Variants in BCL2L13 observed in about 807,000 individuals in gnomAD.
The protein encoded by BCL2L13 is bcl-2-like protein 13.
In BCL2L13, 13 loss-of-function variants were observed where a neutral mutation model predicts 25.8. The ratio of observed to expected loss-of-function variants is 0.50; its 90% CI spans 0.33 to 0.80. The LOEUF (loss-of-function observed/expected upper bound fraction) is 0.80. Ranked by LOEUF, BCL2L13 falls within the 30% of genes least tolerant of loss-of-function variation. BCL2L13 has a pLI of 0.02. For missense variants in BCL2L13, 504 were observed against 574.9 expected (o/e 0.88, Z 1.26); for synonymous variants, 244 against 230.3 (o/e 1.06, Z -0.54).
upstream of BCL2L13, among the ~76,000 whole-genome samples, chr22:17,634,218 C>T (rs1269806870): frequency 6.6e-6 from 1 of 152,084 alleles, no homozygotes; most frequent in Non-Finnish European, 1.5e-5. Flanking sequence ...CGGAGTCTCA[C>T]TCTGTTGCCC....
At chr22:17,715,143 TATATATATATATATATATATATATATA>T (rs371907930) in intron 6 of BCL2L13, among the ~76,000 whole-genome samples, 3,455 of 10,260 alleles carry the variant, frequency 0.34, 208 homozygotes, top group East Asian at 0.38. Context: ...TATATATATA[TATATATATATATATATATATATATATA>T]TTTTTTTTTT....
chr22:17,641,125 C>T (rs1336138351), intron 1 of BCL2L13, among the ~76,000 whole-genome samples: 3 of 151,956 alleles, frequency 2.0e-5, no homozygotes, highest in Non-Finnish European at 4.4e-5. Context: ...CTCCTGACCT[C>T]GCGATCTGCC....
intron 2 of BCL2L13, among the ~76,000 whole-genome samples, chr22:17,681,836 G>A (rs9605382): frequency 0.086 from 13,112 of 152,218 alleles, 685 homozygotes; most frequent in Non-Finnish European, 0.11. Context: ...TCTGAGCTCT[G>A]CTGTTGGTGC....
intron 1 of BCL2L13, among the ~76,000 whole-genome samples, chr22:17,646,955 A>ATTTTTTTTTT (rs149460093): frequency 8.1e-4 from 18 of 22,188 alleles, no homozygotes; most frequent in Non-Finnish European, 1.1e-3. Flanking sequence ...ATATATATAT[A>ATTTTTTTTTT]TTTTTTTTTT....
intron 1 of BCL2L13, among the ~76,000 whole-genome samples, chr22:17,652,243 G>A (rs570798972): frequency 1.1e-3 from 162 of 151,946 alleles, no homozygotes; most frequent in Middle Eastern, 3.4e-3. Flanking sequence ...TCGCCATGTT[G>A]CCCAGGCTTG....
chr22:17,714,948 C>G (rs2060870934), intron 6 of BCL2L13, among the ~76,000 whole-genome samples: 1 of 151,278 alleles, frequency 6.6e-6, no homozygotes, highest in Non-Finnish European at 1.5e-5. Context: ...TGAGACCAGC[C>G]TGGGCAACAT....
At chr22:17,647,866 C>T (rs7287664) in intron 1 of BCL2L13, among the ~76,000 whole-genome samples, 166 of 152,276 alleles carry the variant, frequency 1.1e-3, no homozygotes, top group African/African-American at 3.7e-3. Context: ...CAGTGGCTCA[C>T]GCCTGTAATC....
intron 2 of BCL2L13, among the ~76,000 whole-genome samples, chr22:17,659,056 TAAAAAAAAAAA>T: frequency 3.6e-5 from 1 of 28,114 alleles, no homozygotes; most frequent in African/African-American, 1.1e-4. Context: ...AGACTCCATC[TAAAAAAAAAAA>T]AAAAAAAAAA....
At chr22:17,706,754 C>G in intron 6 of BCL2L13, 1 of 1,352,040 alleles carries the variant, frequency 7.4e-7, no homozygotes, top group Non-Finnish European at 9.8e-7. Flanking sequence ...ATTCTCTTTT[C>G]ATTTCCTGGG....
At chr22:17,660,965 G>A (rs2059046593) in intron 2 of BCL2L13, among the ~76,000 whole-genome samples, 1 of 142,516 alleles carries the variant, frequency 7.0e-6, no homozygotes, top group African/African-American at 2.5e-5. Context: ...TTTTAGTAGA[G>A]ACGGGGCTTC....
In BCL2L13 at chr22:17,702,249, G is replaced by A. The variant is rs1054633993; in HGVS notation, c.463G>A (p.Val155Met). Residue 155 changes from valine (V) to methionine (M), a missense_variant, in exon 6 of 7, where the codon GTG becomes ATG. Coordinates refer to ENST00000317582, the MANE Select transcript of BCL2L13 (RefSeq NM_015367.4). ...VHASGWNKIL[V>M]PLVLLRQMLL... ...TCTCATCTTTGCATTGAAGATTTTG[G>A]TGCCTCTGGTTTTGCTACGACAAAT... 8.1e-6 allele frequency: 13 copies of A among 1,598,994 alleles called. No homozygotes were observed. Among genetic ancestry groups the A allele is most frequent in the Non-Finnish European group, 1.1e-5 (13 of 1,174,236 alleles).
At chr22:17,677,602 G>A (rs139972821) in intron 2 of BCL2L13, among the ~76,000 whole-genome samples, 18 of 152,224 alleles carry the variant, frequency 1.2e-4, no homozygotes, top group African/African-American at 2.9e-4. Context: ...AGCTGGGCGC[G>A]GTGGCTCACA....
At chr22:17,668,568 C>T (rs967272528) in intron 2 of BCL2L13, among the ~76,000 whole-genome samples, 9 of 152,004 alleles carry the variant, frequency 5.9e-5, no homozygotes, top group Admixed American at 5.2e-4. Flanking sequence ...ATTCTCCTGC[C>T]TCAGCCTCCC....
intron 1 of BCL2L13, among the ~76,000 whole-genome samples, chr22:17,655,267 G>C (rs2058817251): frequency 6.7e-6 from 1 of 150,154 alleles, no homozygotes; most frequent in South Asian, 2.1e-4. Flanking sequence ...AATCCCTCCT[G>C]GAGGACCACC....
intron 1 of BCL2L13, among the ~76,000 whole-genome samples, chr22:17,654,352 C>T (rs550767728): frequency 2.6e-5 from 4 of 152,234 alleles, no homozygotes; most frequent in East Asian, 3.9e-4. Context: ...CTGCCTCTGC[C>T]TCCGCCTCCC....
At chr22:17,655,912 T>C in intron 2 of BCL2L13, 80 bp downstream of exon 2, 2 of 1,366,348 alleles carry the variant, frequency 1.5e-6, no homozygotes, top group Non-Finnish European at 9.9e-7. Flanking sequence ...CTAATTTATA[T>C]GTGTGGTTAT....
intron 2 of BCL2L13, among the ~76,000 whole-genome samples, chr22:17,679,727 C>G (rs890500429): frequency 1.8e-4 from 28 of 152,214 alleles, no homozygotes; most frequent in African/African-American, 6.7e-4. Flanking sequence ...TTAAAAGGAA[C>G]TGTGCTGTTT....
At chr22:17,656,335 CT>C (rs890631679) in intron 2 of BCL2L13, among the ~76,000 whole-genome samples, 187 of 57,854 alleles carry the variant, frequency 3.2e-3, no homozygotes, top group South Asian at 0.011. Context: ...TCATTTTATT[CT>C]TTTTTTTTTT....
At position 17,659,821 on chromosome 22, in the gene BCL2L13, C is replaced by T. The variant is rs781045772; in HGVS notation, c.121+3989C>T. Among the ~76,000 whole-genome samples the T allele has an allele frequency of 1.4e-4, 21 of 146,124 alleles. 3 individuals are homozygous for T. The highest frequency in any genetic ancestry group is 2.7e-4 in the Admixed American group (4 of 14,670). ...AAAATTAAAATCCCTTAGATATCTT[C>T]ATTTATACAAACATTTAATTTATTT... On this transcript the variant is annotated intron_variant, in intron 2 of 6. Coordinates refer to ENST00000317582, the MANE Select transcript of BCL2L13 (RefSeq NM_015367.4).
Sources: gnomAD v4.1 joint callset for allele counts (sites outside exome capture counted in the v4.1 genomes callset) on GRCh38, gnomAD v4.1.1 for gene constraint, MANE v1.5 for transcripts, NCBI Gene and HGNC (gene_info 2026-07-23, HGNC 2026-07-21) for gene names.